ASIC2: variants seen among roughly 807,000 people sequenced by gnomAD.
ASIC2 encodes acid sensing ion channel subunit 2, also known as acid-sensing ion channel 2.
In ASIC2, 25 loss-of-function variants were observed where a neutral mutation model predicts 57.3. The ratio of observed to expected loss-of-function variants is 0.44; its 90% CI spans 0.32 to 0.61. ASIC2 has a LOEUF of 0.61. ASIC2 is among the 20% of genes least tolerant of loss of function. The probability of loss-of-function intolerance (pLI) is 0.06; values close to 1 mark genes in which losing one functional copy is unlikely to be tolerated. For missense variants in ASIC2, 641 were observed against 738.1 expected (o/e 0.87, Z 1.52); for synonymous variants, 319 against 307.5 (o/e 1.04, Z -0.39).
intron 6 of ASIC2, 112 bp downstream of exon 6, chr17:33,023,746 CTAA>C: frequency 1.4e-6 from 2 of 1,395,906 alleles, no homozygotes; most frequent in Non-Finnish European, 2.0e-6. Flanking sequence ...GGGTGTTCAA[CTAA>C]TGTTTGCTAA....
intron 1 of ASIC2, among the ~76,000 whole-genome samples, chr17:34,150,572 G>T (rs2142143483): frequency 6.6e-6 from 1 of 152,222 alleles, no homozygotes; most frequent in Non-Finnish European, 1.5e-5. Context: ...AAAAACTAGG[G>T]TGTTAAATCA....
chr17:33,107,832 T>A (rs112275200), intron 2 of ASIC2, among the ~76,000 whole-genome samples: 1 of 152,216 alleles, frequency 6.6e-6, no homozygotes, highest in African/African-American at 2.4e-5. Flanking sequence ...GTTCCCTCCC[T>A]GCTTCCTGAC....
intron 1 of ASIC2, among the ~76,000 whole-genome samples, chr17:33,846,849 C>T (rs1047572352): frequency 2.0e-5 from 3 of 152,032 alleles, no homozygotes; most frequent in African/African-American, 4.8e-5. Flanking sequence ...CTCAGCCTCC[C>T]GACAGTGATA....
Position 33,217,862 on chromosome 17 carries a change from G to A in ASIC2, c.708+73546C>T, listed in dbSNP as rs537178352. ...TTTTCTTTCTCTGCGGAGACTTTTAGAGCAGTGAGGCTCTCCCTCTGGCTC... is the reference window on the plus strand; with the variant it reads ...TTTTCTTTCTCTGCGGAGACTTTTAAAGCAGTGAGGCTCTCCCTCTGGCTC... On this transcript the variant is annotated intron_variant, in intron 1 of 9. Transcript: ENST00000225823. 2.4e-3 allele frequency among the ~76,000 whole-genome samples: 371 copies of A among 152,304 alleles called. No homozygotes were observed. The Middle Eastern group carries it at 0.027, about 11-fold the overall frequency.
chr17:33,698,513 C>G (rs1221353131), intron 1 of ASIC2, among the ~76,000 whole-genome samples: 1 of 152,058 alleles, frequency 6.6e-6, no homozygotes, highest in African/African-American at 2.4e-5. Context: ...CCCAGGCCAC[C>G]CTGCCAGTAA....
intron 1 of ASIC2, among the ~76,000 whole-genome samples, chr17:34,100,120 G>GT (rs1910806450): frequency 6.6e-6 from 1 of 151,464 alleles, no homozygotes; most frequent in African/African-American, 2.4e-5. Context: ...ATTGAAAACA[G>GT]TATCAGGAAA....
At chr17:33,713,710 G>C (rs995754458) in intron 1 of ASIC2, among the ~76,000 whole-genome samples, 3 of 152,236 alleles carry the variant, frequency 2.0e-5, no homozygotes, top group Non-Finnish European at 4.4e-5. Context: ...CAGTATAGCT[G>C]CAGACTGGTG....
At chr17:33,422,761 G>C (rs1911089944) in intron 1 of ASIC2, among the ~76,000 whole-genome samples, 1 of 152,156 alleles carries the variant, frequency 6.6e-6, no homozygotes, top group Non-Finnish European at 1.5e-5. Flanking sequence ...CTAATCAACT[G>C]TTTGCATGCT....
intron 1 of ASIC2, among the ~76,000 whole-genome samples, chr17:34,012,070 T>C (rs1906787175): frequency 6.6e-6 from 1 of 152,174 alleles, no homozygotes; most frequent in Admixed American, 6.5e-5. Flanking sequence ...CTTATTTTGG[T>C]TATTTGCAAC....
intron 1 of ASIC2, among the ~76,000 whole-genome samples, chr17:33,369,561 A>T (rs1908962065): frequency 6.6e-6 from 1 of 152,246 alleles, no homozygotes; most frequent in Non-Finnish European, 1.5e-5. Flanking sequence ...TTGAAAGCAT[A>T]GCACATGCCA....
At chr17:33,909,793 G>A (rs1282304067) in intron 1 of ASIC2, among the ~76,000 whole-genome samples, 2 of 152,162 alleles carry the variant, frequency 1.3e-5, no homozygotes, top group East Asian at 3.8e-4. Flanking sequence ...TCTTTTGAGA[G>A]CCTATACCCT....
rs1023713508 is a variant in ASIC2 at position 34,127,077 on chromosome 17, G to A, written c.555+28901C>T. ...GTCTGCCTGTAGGCTCCCAGTAAGC[G>A]TTTGCATTTGGCAGAATCCACAGCT... On this transcript the variant is annotated intron_variant, in intron 1 of 9. Coordinates refer to the ASIC2 transcript ENST00000359872. 5.3e-5 allele frequency among the ~76,000 whole-genome samples: 8 copies of A among 152,304 alleles called. 1 individual carries two copies. Among genetic ancestry groups the A allele is most frequent in the African/African-American group, 1.2e-4 (5 of 41,568 alleles).
At chr17:33,776,496 A>T (rs910959732) in intron 1 of ASIC2, among the ~76,000 whole-genome samples, 8 of 152,218 alleles carry the variant, frequency 5.3e-5, no homozygotes, top group African/African-American at 1.9e-4. Flanking sequence ...AACAGACTAG[A>T]TGGTAAGGTT....
intron 1 of ASIC2, among the ~76,000 whole-genome samples, chr17:33,849,459 A>G (rs1913704935): frequency 1.3e-5 from 2 of 152,162 alleles, no homozygotes; most frequent in Admixed American, 1.3e-4. Context: ...ATGGTTAGTA[A>G]GTGACTAAAC....
At chr17:33,448,481 A>G (rs891316241) in intron 1 of ASIC2, among the ~76,000 whole-genome samples, 2 of 152,244 alleles carry the variant, frequency 1.3e-5, no homozygotes, top group East Asian at 3.8e-4. Context: ...AAGTGTCCTT[A>G]TAAGAGAGAG....
rs927843922 is a variant in ASIC2, at chr17:33,350,301, A to G, written c.556-238234T>C. On this transcript the variant is annotated intron_variant, in intron 1 of 9. Transcript: ENST00000359872. ...CTATGTCTTGCCTCTCTGCTGAGCC[A>G]GCAAAGGGCAAATAGCAGCCTCAAG... 2.6e-5 allele frequency among the ~76,000 whole-genome samples: 4 copies of G among 152,342 alleles called. No individual in the cohort carries two copies. In the Middle Eastern group the frequency reaches 0.014, roughly 518 times the overall value.
chr17:33,311,361 C>G (rs929860387), intron 1 of ASIC2, among the ~76,000 whole-genome samples: 1 of 151,926 alleles, frequency 6.6e-6, no homozygotes, highest in African/African-American at 2.4e-5. Flanking sequence ...GATGTACCAC[C>G]CCATGTACAT....
chr17:33,319,172 G>C (rs1353440882), intron 1 of ASIC2, among the ~76,000 whole-genome samples: 1 of 152,198 alleles, frequency 6.6e-6, no homozygotes, highest in Non-Finnish European at 1.5e-5. Context: ...GGAGCTTGCA[G>C]CGAGCCACAG....
At chr17:33,082,701 AAAAT>A (rs34712140) in intron 3 of ASIC2, among the ~76,000 whole-genome samples, 16,215 of 139,472 alleles carry the variant, frequency 0.12, 1,178 homozygotes, top group African/African-American at 0.21. Context: ...TCTGTCTCCA[AAAAT>A]AAATAAATAA....
Sources: allele counts gnomAD v4.1 joint callset (sites outside exome capture counted in the v4.1 genomes callset), GRCh38; gene constraint gnomAD v4.1.1; transcripts MANE v1.5; gene names NCBI Gene and HGNC (gene_info 2026-07-23, HGNC 2026-07-21).